Variants in CEMIP2 observed in about 807,000 individuals in gnomAD.
CEMIP2 encodes the protein cell migration inducing hyaluronidase 2.
Under a neutral mutation model 146.9 loss-of-function variants are expected in CEMIP2, and 79 were observed. The observed-to-expected ratio is 0.54, with a 90% CI of 0.45 to 0.65. CEMIP2 has a LOEUF of 0.65. Ranked by LOEUF, CEMIP2 falls within the 30% of genes least tolerant of loss-of-function variation. The pLI is 0.00. For missense variants in CEMIP2, 1,596 were observed against 1,696.2 expected (o/e 0.94, Z 1.04); for synonymous variants, 601 against 606.3 (o/e 0.99, Z 0.13).
At chr9:71,743,950 A>T (rs908398853) in intron 4 of CEMIP2, among the ~76,000 whole-genome samples, 5 of 152,172 alleles carry the variant, frequency 3.3e-5, no homozygotes, top group Admixed American at 2.0e-4. Flanking sequence ...TACTTTTTCC[A>T]CCACAGATAT....
chr9:71,718,422 A>C (rs994588467), intron 12 of CEMIP2, among the ~76,000 whole-genome samples: 1 of 152,212 alleles, frequency 6.6e-6, no homozygotes, highest in Non-Finnish European at 1.5e-5. Context: ...ACATGTTACC[A>C]ATATAAACTT....
intron 4 of CEMIP2, among the ~76,000 whole-genome samples, chr9:71,741,838 G>T (rs1823930071): frequency 1.3e-5 from 2 of 151,600 alleles, no homozygotes; most frequent in East Asian, 1.9e-4. Flanking sequence ...TAGAGACAGG[G>T]TTTCACCATG....
intron 20 of CEMIP2, among the ~76,000 whole-genome samples, chr9:71,696,411 G>A (rs1314995375): frequency 6.6e-6 from 1 of 151,150 alleles, no homozygotes; most frequent in Admixed American, 6.6e-5. Context: ...GATTTTACTT[G>A]TATGAGAGAG....
intron 1 of CEMIP2, among the ~76,000 whole-genome samples, chr9:71,755,961 C>CAAAAAAAAA (rs55972127): frequency 3.8e-5 from 2 of 52,898 alleles, no homozygotes; most frequent in African/African-American, 9.1e-5. Flanking sequence ...CTCTGTCTCA[C>CAAAAAAAAA]AAAAAAAAAA....
chr9:71,727,386 C>T (rs1255885273), intron 10 of CEMIP2, among the ~76,000 whole-genome samples: 1 of 152,200 alleles, frequency 6.6e-6, no homozygotes, highest in African/African-American at 2.4e-5. Flanking sequence ...TAGCACAAAC[C>T]TCATACAGGC....
intron 2 of CEMIP2, among the ~76,000 whole-genome samples, chr9:71,749,235 T>C (rs1416782273): frequency 6.6e-6 from 1 of 152,212 alleles, no homozygotes; most frequent in Non-Finnish European, 1.5e-5. Flanking sequence ...AGAACTTATA[T>C]ATCCTAAAGG....
intron 20 of CEMIP2, 127 bp downstream of exon 20, chr9:71,697,858 A>G: frequency 1.0e-6 from 1 of 975,728 alleles, no homozygotes; most frequent in Middle Eastern, 3.3e-4. Flanking sequence ...ATGGGCCAAA[A>G]TTCAGGAGAT....
chr9:71,726,620 C>G (rs1418748633), intron 10 of CEMIP2, among the ~76,000 whole-genome samples: 4 of 152,086 alleles, frequency 2.6e-5, no homozygotes, highest in Non-Finnish European at 5.9e-5. Context: ...TAAGTACTTA[C>G]TAGCTGTAAC....
chr9:71,706,730 A>C (rs1295566088), intron 17 of CEMIP2, among the ~76,000 whole-genome samples: 3 of 152,214 alleles, frequency 2.0e-5, no homozygotes, highest in African/African-American at 7.2e-5. Context: ...AGACAGACAG[A>C]TAGATATACG....
At position 71,684,217 on chromosome 9, in the gene CEMIP2, T is replaced by C. The variant is rs1821988945; in HGVS notation, c.*980A>G. On this transcript the variant is annotated 3_prime_UTR_variant, in exon 24 of 24. Coordinates refer to ENST00000377044, the MANE Select transcript of CEMIP2 (RefSeq NM_013390.3). ...AATCATTTTGGGGTATCATTAAGCT[T>C]TCTGGGATTTTCCTGGCAGGAGGGT... 3.3e-5 allele frequency: 5 copies of C among 152,328 alleles called. 2 individuals carry two copies. The Middle Eastern group carries it at 0.017, about 518-fold the overall frequency. 9.4% of individuals were successfully genotyped at this position (152,328 alleles called of 1,614,324 possible). A position where few individuals can be genotyped will look rare whatever the true frequency, so the allele number is the denominator to read the frequency against.
At chr9:71,691,155 T>A (rs555974861) in intron 21 of CEMIP2, among the ~76,000 whole-genome samples, 22 of 152,286 alleles carry the variant, frequency 1.4e-4, no homozygotes, top group Non-Finnish European at 7.4e-5. Flanking sequence ...AGGCCAGGTG[T>A]GGTGGCTTAC....
chr9:71,709,487 A>C lies in CEMIP2; in HGVS notation c.2770-13T>G. On this transcript the variant is annotated splice_polypyrimidine_tract_variant and intron_variant, in intron 16 of 23. Transcript: ENST00000377044. The stretch of plus-strand genomic sequence containing the variant: ...CATTCAGAGAGACCTGACCACAGTG[A>C]AAAAGAAAGACATCACAAAGTGAGG... 6.2e-7 allele frequency: 1 copy of C among 1,612,078 alleles called. No individual in the cohort carries two copies. The highest frequency in any genetic ancestry group is 2.2e-5 in the East Asian group (1 of 44,880).
rs7047269 is a variant in CEMIP2 at position 71,728,273 on chromosome 9, A to C, written c.2049+1572T>G. 3.1e-4 allele frequency among the ~76,000 whole-genome samples: 3 copies of C among 9,620 alleles called. 1 individual carries two copies. Among genetic ancestry groups the C allele is most frequent in the Non-Finnish European group, 6.6e-4 (2 of 3,040 alleles). The allele number at this position is 9,620 out of a possible 152,430, so 6.3% of individuals were successfully genotyped here. On this transcript the variant is annotated intron_variant, in intron 10 of 23. Coordinates refer to ENST00000377044, the MANE Select transcript of CEMIP2 (RefSeq NM_013390.3). The stretch of plus-strand genomic sequence containing the variant: ...TATGTATATACACGTATATATATAT[A>C]TATATATGTATATATATATATATAT...
At chr9:71,714,883 G>A (rs1312097141) in intron 15 of CEMIP2, 51 bp downstream of exon 15, 4 of 1,581,222 alleles carry the variant, frequency 2.5e-6, no homozygotes, top group Non-Finnish European at 3.4e-6. Context: ...TGAGGGTTAG[G>A]TTTTCCTTTA....
At chr9:71,728,612 T>G (rs1823519577) in intron 10 of CEMIP2, among the ~76,000 whole-genome samples, 1 of 151,870 alleles carries the variant, frequency 6.6e-6, no homozygotes, top group African/African-American at 2.4e-5. Context: ...TATCATTTAG[T>G]CTCTTAAAAA....
intron 15 of CEMIP2, among the ~76,000 whole-genome samples, chr9:71,712,824 T>C (rs1822947716): frequency 6.6e-6 from 1 of 152,244 alleles, no homozygotes; most frequent in Admixed American, 6.5e-5. Context: ...TCCCCCTTTC[T>C]GTTCAAACAC....
intron 15 of CEMIP2, chr9:71,712,495 A>G: frequency 2.3e-6 from 1 of 440,916 alleles, no homozygotes. Flanking sequence ...CATAAGACAC[A>G]ACATTATCAT....
chr9:71,709,453 C>CA lies in CEMIP2; in HGVS notation c.2790dup (p.Gly931TrpfsTer8), dbSNP rs753143502. 1.9e-5 allele frequency: 31 copies of CA among 1,613,778 alleles called. No homozygotes were observed. Among genetic ancestry groups the CA allele is most frequent in the Non-Finnish European group, 2.4e-5 (28 of 1,179,946 alleles). ...TCTTCAAACCAGGGACCAGGCTTTCCAAAAAAGACATTCAGAGAGACCTGA... is the reference window on the plus strand; with the variant it reads ...TCTTCAAACCAGGGACCAGGCTTTCCAAAAAAAGACATTCAGAGAGACCTGA... On this transcript the variant is annotated frameshift_variant, in exon 17 of 24. Coordinates refer to ENST00000377044, the MANE Select transcript of CEMIP2 (RefSeq NM_013390.3). LOFTEE classifies it high-confidence loss of function.
intron 1 of CEMIP2, among the ~76,000 whole-genome samples, chr9:71,763,517 A>C (rs1824699839): frequency 6.6e-6 from 1 of 152,216 alleles, no homozygotes; most frequent in Non-Finnish European, 1.5e-5. Context: ...CCAGTGGTAA[A>C]GCCTTATTAA....
Sources: allele counts gnomAD v4.1 joint callset (sites outside exome capture counted in the v4.1 genomes callset), GRCh38; gene constraint gnomAD v4.1.1; transcripts MANE v1.5; gene names NCBI Gene and HGNC (gene_info 2026-07-23, HGNC 2026-07-21).